The following NEGR1 variants were observed in gnomAD, a reference collection of about 807,000 sequenced individuals.
NEGR1 encodes IgLON family member 4.
Under a neutral mutation model 40.9 loss-of-function variants are expected in NEGR1, and 10 were observed. That is an observed-to-expected ratio of 0.24 (90% CI 0.15 to 0.42). NEGR1 has a LOEUF of 0.42. Among genes scored for constraint, NEGR1 ranks in the 10% least tolerant of loss-of-function variants. The pLI, the probability that NEGR1 is intolerant of heterozygous loss-of-function variation, is 1.00. For synonymous variants in NEGR1, 185 were observed against 166.8 expected (o/e 1.11, Z -0.84); for missense variants, 352 against 438.9 (o/e 0.80, Z 1.77).
chr1:71,731,247 A>G (rs1654857068), intron 3 of NEGR1, among the ~76,000 whole-genome samples: 1 of 152,168 alleles, frequency 6.6e-6, no homozygotes, highest in Non-Finnish European at 1.5e-5. Context: ...AAAATACCAT[A>G]TGACATATTT....
chr1:71,987,583 A>G (rs1002454945), intron 1 of NEGR1, among the ~76,000 whole-genome samples: 3 of 152,198 alleles, frequency 2.0e-5, no homozygotes, highest in African/African-American at 7.2e-5. Context: ...GTGGTCTTCA[A>G]TGATCCAATT....
intron 4 of NEGR1, among the ~76,000 whole-genome samples, chr1:71,622,077 T>C (rs1650626761): frequency 6.6e-6 from 1 of 151,952 alleles, no homozygotes; most frequent in Non-Finnish European, 1.5e-5. Context: ...CCCCTTGTAG[T>C]CAGCAATGCT....
At chr1:71,851,831 T>C (rs185220469) in intron 2 of NEGR1, among the ~76,000 whole-genome samples, 3 of 152,252 alleles carry the variant, frequency 2.0e-5, no homozygotes, top group East Asian at 3.9e-4. Flanking sequence ...AAACCGTGGA[T>C]TTATACTCTA....
chr1:71,593,939 T>A (rs1282703012), intron 5 of NEGR1, among the ~76,000 whole-genome samples: 1 of 152,220 alleles, frequency 6.6e-6, no homozygotes, highest in Non-Finnish European at 1.5e-5. Context: ...TATATACAAG[T>A]CTTTTCAAAG....
intron 3 of NEGR1, among the ~76,000 whole-genome samples, chr1:71,726,661 C>T (rs758586818): frequency 6.6e-6 from 1 of 152,034 alleles, no homozygotes; most frequent in Non-Finnish European, 1.5e-5. Context: ...GAGGCTTCTT[C>T]TTTCCAGCAT....
chr1:71,843,421 A>G (rs1345214113), intron 2 of NEGR1, among the ~76,000 whole-genome samples: 1 of 152,178 alleles, frequency 6.6e-6, no homozygotes. Context: ...AGTCGAGGCT[A>G]TTGACTCCTG....
Position 72,237,833 on chromosome 1 carries a change from C to T in NEGR1, c.176+44486G>A, listed in dbSNP as rs552426802. Among the ~76,000 whole-genome samples the T allele has an allele frequency of 2.0e-5, 3 of 152,048 alleles. No homozygotes were observed. In the South Asian group the frequency reaches 6.2e-4, roughly 32 times the overall value. ...TTTTAGTTTTGACATAAACTAGTCACATGGCCTTAGACAAGTTACATCACA... is the reference window on the plus strand; with the variant it reads ...TTTTAGTTTTGACATAAACTAGTCATATGGCCTTAGACAAGTTACATCACA... On this transcript the variant is annotated intron_variant, in intron 1 of 6. Coordinates refer to ENST00000357731, the MANE Select transcript of NEGR1 (RefSeq NM_173808.3).
At chr1:71,604,510 T>C (rs939512709) in intron 5 of NEGR1, among the ~76,000 whole-genome samples, 1 of 152,126 alleles carries the variant, frequency 6.6e-6, no homozygotes. Context: ...AATCAGGTAG[T>C]AAATATTTAG....
intron 4 of NEGR1, among the ~76,000 whole-genome samples, chr1:71,662,678 T>C (rs1307598094): frequency 6.6e-6 from 1 of 151,352 alleles, no homozygotes. Flanking sequence ...TCAAAATATA[T>C]ACAATCAAGA....
chr1:72,109,290 C>G (rs1190195393), intron 1 of NEGR1, among the ~76,000 whole-genome samples: 1 of 151,582 alleles, frequency 6.6e-6, no homozygotes, highest in East Asian at 1.9e-4. Context: ...TCCGTTTTAT[C>G]TGAGAGTTCT....
intron 1 of NEGR1, among the ~76,000 whole-genome samples, chr1:71,963,037 T>C (rs1443248296): frequency 1.3e-5 from 2 of 152,134 alleles, no homozygotes; most frequent in Non-Finnish European, 2.9e-5. Context: ...TTCTATGTTT[T>C]GTATGTCTTT....
At chr1:72,002,618 G>A (rs1265579479) in intron 1 of NEGR1, among the ~76,000 whole-genome samples, 1 of 152,082 alleles carries the variant, frequency 6.6e-6, no homozygotes, top group African/African-American at 2.4e-5. Flanking sequence ...ATGTTCAACA[G>A]GAGTTTAAAG....
intron 1 of NEGR1, among the ~76,000 whole-genome samples, chr1:72,198,375 A>G (rs1328293779): frequency 6.6e-6 from 1 of 151,974 alleles, no homozygotes; most frequent in Non-Finnish European, 1.5e-5. Context: ...AAGCCATGAG[A>G]CAACTTTGAG....
chr1:71,666,547 A>T (rs1400858738), intron 4 of NEGR1, among the ~76,000 whole-genome samples: 1 of 152,180 alleles, frequency 6.6e-6, no homozygotes, highest in African/African-American at 2.4e-5. Flanking sequence ...TGGAAATACC[A>T]CTGAAGCCTT....
intron 3 of NEGR1, among the ~76,000 whole-genome samples, chr1:71,698,407 A>G (rs1384477144): frequency 6.6e-6 from 1 of 151,868 alleles, no homozygotes; most frequent in East Asian, 1.9e-4. Context: ...ACCTCTTCAC[A>G]CATCAAATAG....
intron 2 of NEGR1, among the ~76,000 whole-genome samples, chr1:71,791,964 A>G (rs922320452): frequency 6.6e-6 from 1 of 152,142 alleles, no homozygotes; most frequent in African/African-American, 2.4e-5. Context: ...CATACAGGAC[A>G]TATTTGCCGA....
At chr1:71,938,069 T>C (rs7412508) in intron 1 of NEGR1, among the ~76,000 whole-genome samples, 1 of 152,236 alleles carries the variant, frequency 6.6e-6, no homozygotes, top group Non-Finnish European at 1.5e-5. Context: ...TATTTTGTAA[T>C]AGCCAGTGTT....
intron 4 of NEGR1, among the ~76,000 whole-genome samples, chr1:71,639,441 G>T (rs1651273232): frequency 6.6e-6 from 1 of 152,064 alleles, no homozygotes; most frequent in Non-Finnish European, 1.5e-5. Flanking sequence ...TACTCTTGCT[G>T]AAGATGTTTT....
At chr1:72,094,564 C>T (rs181762381) in intron 1 of NEGR1, among the ~76,000 whole-genome samples, 37 of 152,312 alleles carry the variant, frequency 2.4e-4, no homozygotes, top group Middle Eastern at 3.4e-3. Flanking sequence ...CTGGAACCCT[C>T]CAATTCAGAG....
Sources: allele counts gnomAD v4.1 joint callset (sites outside exome capture counted in the v4.1 genomes callset), GRCh38; gene constraint gnomAD v4.1.1; transcripts MANE v1.5; gene names NCBI Gene and HGNC (gene_info 2026-07-23, HGNC 2026-07-21).